The following CCDC60 variants were observed in gnomAD, a reference collection of about 807,000 sequenced individuals.
CCDC60 encodes coiled-coil domain-containing protein 60.
CCDC60 carries 54 observed loss-of-function variants against 63.5 expected under a neutral mutation model. The ratio of observed to expected loss-of-function variants is 0.85; its 90% CI spans 0.68 to 1.07. The LOEUF (loss-of-function observed/expected upper bound fraction) is 1.07. Ranked by LOEUF, CCDC60 falls within the 50% of genes least tolerant of loss-of-function variation. The pLI, the probability that CCDC60 is intolerant of heterozygous loss-of-function variation, is 0.00. For missense variants in CCDC60, 651 were observed against 684.3 expected (o/e 0.95, Z 0.54); for synonymous variants, 206 against 238.8 (o/e 0.86, Z 1.27).
chr12:119,339,020 G>T (rs1955504333), intron 1 of CCDC60, among the ~76,000 whole-genome samples: 1 of 152,008 alleles, frequency 6.6e-6, no homozygotes. Context: ...TTTTTTAACT[G>T]AGGGAATATA....
At position 119,420,790 on chromosome 12, in the gene CCDC60, TTA is replaced by T. The variant is rs1956798471; in HGVS notation, c.91-7892_91-7891del. ...TTCTCCATGATGTGCTTATTTCACA[TTA>T]CATGCCTGTATCAAAACAACTCATG... On this transcript the variant is annotated intron_variant, in intron 1 of 13. Transcript: ENST00000327554. This position sits in a 1 kb window ranked among gnomAD's most constrained non-coding sequence, Gnocchi z 4.1. 6.6e-6 allele frequency among the ~76,000 whole-genome samples: 1 copy of T among 152,182 alleles called. No individual in the cohort carries two copies. Among genetic ancestry groups the T allele is most frequent in the African/African-American group, 2.4e-5 (1 of 41,432 alleles).
chr12:119,489,009 G>GT, intron 5 of CCDC60, 143 bp downstream of exon 5: 1 of 679,172 alleles, frequency 1.5e-6, no homozygotes, highest in South Asian at 1.8e-5. Flanking sequence ...TGTGGGATCT[G>GT]AACAGGGGAG....
chr12:119,509,963 AT>A (rs1033453614), intron 7 of CCDC60, among the ~76,000 whole-genome samples: 10 of 151,586 alleles, frequency 6.6e-5, no homozygotes, highest in East Asian at 1.9e-4. Flanking sequence ...GAGCAAATTG[AT>A]TTTTTTTTAC....
intron 7 of CCDC60, among the ~76,000 whole-genome samples, chr12:119,507,609 TATA>T (rs1298943278): frequency 0.037 from 1,312 of 35,480 alleles, 111 homozygotes; most frequent in East Asian, 0.06. Flanking sequence ...TATATATATA[TATA>T]TATTTTTTTT....
At chr12:119,406,202 TATAGAG>T (rs1565991436) in intron 1 of CCDC60, among the ~76,000 whole-genome samples, 1 of 139,356 alleles carries the variant, frequency 7.2e-6, no homozygotes, top group South Asian at 2.2e-4. Context: ...GATATATATA[TATAGAG>T]AGAGAGAGAG....
intron 1 of CCDC60, among the ~76,000 whole-genome samples, chr12:119,380,484 G>A (rs1366289551): frequency 6.6e-6 from 1 of 152,206 alleles, no homozygotes; most frequent in Non-Finnish European, 1.5e-5. Flanking sequence ...TAATATCTCA[G>A]AGTTGGAAGG....
rs1953149185 is a variant in CCDC60 at position 119,541,018 on chromosome 12, C to G, written c.*303C>G. 4 of 266,890 alleles carry G rather than the reference C, an allele frequency of 1.5e-5. No individual in the cohort carries two copies. The highest frequency in any genetic ancestry group is 8.9e-5 in the African/African-American group (4 of 45,126). 16.5% of individuals were successfully genotyped at this position (266,890 alleles called of 1,614,324 possible). On this transcript the variant is annotated 3_prime_UTR_variant, in exon 14 of 14. Coordinates refer to ENST00000327554, the MANE Select transcript of CCDC60 (RefSeq NM_178499.5). ...TCACCCTATTTACCTTCCTCAAGTA[C>G]TGGAGAATAAAATTGAACTGAATGT...
At chr12:119,348,990 T>C (rs565089714) in intron 1 of CCDC60, among the ~76,000 whole-genome samples, 1 of 152,338 alleles carries the variant, frequency 6.6e-6, no homozygotes, top group African/African-American at 2.4e-5. Context: ...AAACCCCTTA[T>C]GTGAGTTATG....
At chr12:119,469,180 G>A (rs73219409) in intron 2 of CCDC60, among the ~76,000 whole-genome samples, 8,012 of 152,174 alleles carry the variant, frequency 0.053, 281 homozygotes, top group Non-Finnish European at 0.08. Flanking sequence ...ATGCTCCTCT[G>A]TTGTCTCCAA....
chr12:119,475,020 C>T (rs1246098878), intron 3 of CCDC60, among the ~76,000 whole-genome samples: 1 of 152,124 alleles, frequency 6.6e-6, no homozygotes, highest in Non-Finnish European at 1.5e-5. Context: ...TTCCAGTCAC[C>T]TCCCCCAGAA....
At chr12:119,369,527 C>G (rs910435996) in intron 1 of CCDC60, among the ~76,000 whole-genome samples, 3 of 152,224 alleles carry the variant, frequency 2.0e-5, no homozygotes, top group African/African-American at 7.2e-5. Flanking sequence ...CCCTGGAAAT[C>G]ATCTTGCCAG....
At chr12:119,513,091 A>G (rs959386250) in intron 7 of CCDC60, among the ~76,000 whole-genome samples, 3 of 152,166 alleles carry the variant, frequency 2.0e-5, no homozygotes, top group African/African-American at 7.2e-5. Flanking sequence ...ACAGCTACAA[A>G]CATTAGGAAA....
intron 8 of CCDC60, among the ~76,000 whole-genome samples, chr12:119,519,864 GTGTGTGTGTGTGTA>G (rs1483942086): frequency 6.9e-6 from 1 of 144,712 alleles, no homozygotes; most frequent in African/African-American, 2.7e-5. Context: ...GAGTGTGTGT[GTGTGTGTGTGTGTA>G]TACCTGTGTG....
chr12:119,511,060 T>C (rs951263649), intron 7 of CCDC60, among the ~76,000 whole-genome samples: 3 of 152,122 alleles, frequency 2.0e-5, no homozygotes, highest in Non-Finnish European at 4.4e-5. Flanking sequence ...TTTACCTTCA[T>C]CCTAGCACAC....
intron 1 of CCDC60, among the ~76,000 whole-genome samples, chr12:119,346,818 T>TTCTC: frequency 7.4e-6 from 1 of 134,768 alleles, no homozygotes; most frequent in Non-Finnish European, 1.7e-5. Flanking sequence ...CTTTCTTTCT[T>TTCTC]TCTTTCTTTC....
chr12:119,398,384 C>A (rs963019502), intron 1 of CCDC60, among the ~76,000 whole-genome samples: 4 of 152,144 alleles, frequency 2.6e-5, no homozygotes, highest in Non-Finnish European at 5.9e-5. Context: ...GGCCTGGGAG[C>A]ATGGCACGCA....
At chr12:119,447,228 G>A (rs1950558900) in intron 2 of CCDC60, among the ~76,000 whole-genome samples, 1 of 152,124 alleles carries the variant, frequency 6.6e-6, no homozygotes, top group Non-Finnish European at 1.5e-5. Flanking sequence ...CTCTTTGCAC[G>A]GTGACAGGCA....
chr12:119,430,524 G>A (rs12099618), intron 2 of CCDC60, among the ~76,000 whole-genome samples: 9,132 of 151,950 alleles, frequency 0.06, 261 homozygotes, highest in East Asian at 0.097. Flanking sequence ...AAAATTAGCC[G>A]GGCATGGTGG....
chr12:119,376,643 A>G (rs1955953935), intron 1 of CCDC60, among the ~76,000 whole-genome samples: 1 of 152,068 alleles, frequency 6.6e-6, no homozygotes, highest in Non-Finnish European at 1.5e-5. Flanking sequence ...AATAAAATAA[A>G]ATAAAATAAA....
Sources: gnomAD v4.1 joint callset for allele counts (sites outside exome capture counted in the v4.1 genomes callset) on GRCh38, gnomAD v4.1.1 for gene constraint, Gnocchi (gnomAD v3.1) non-coding constraint, MANE v1.5 for transcripts, NCBI Gene and HGNC (gene_info 2026-07-23, HGNC 2026-07-21) for gene names.